AUTS2: variants seen among roughly 807,000 people sequenced by gnomAD.
AUTS2 encodes the protein activator of transcription and developmental regulator AUTS2.
A neutral mutation model predicts 112.4 loss-of-function variants in AUTS2; 17 were observed. The observed-to-expected ratio is 0.15, with a 90% CI of 0.10 to 0.23. The LOEUF (loss-of-function observed/expected upper bound fraction) is 0.23, where lower values mean the gene tolerates loss of function less well. Ranked by LOEUF, AUTS2 falls within the 10% of genes least tolerant of loss-of-function variation. AUTS2 has a pLI of 1.00. For missense variants in AUTS2, 1,510 were observed against 1,701.6 expected (o/e 0.89, Z 1.98); for synonymous variants, 751 against 702.7 (o/e 1.07, Z -1.09).
intron 4 of AUTS2, among the ~76,000 whole-genome samples, chr7:70,412,349 T>C (rs371644397): frequency 2.0e-5 from 3 of 152,238 alleles, no homozygotes; most frequent in Admixed American, 1.3e-4. Flanking sequence ...AAATTCAAGT[T>C]TGGGAAAGTA....
At chr7:69,982,707 G>A (rs773620374) in intron 2 of AUTS2, among the ~76,000 whole-genome samples, 2 of 152,206 alleles carry the variant, frequency 1.3e-5, no homozygotes, top group African/African-American at 4.8e-5. Flanking sequence ...ATAAAACAGC[G>A]GCCTGGCCAT....
chr7:70,278,228 G>T (rs1267216183), intron 4 of AUTS2, among the ~76,000 whole-genome samples: 1 of 152,098 alleles, frequency 6.6e-6, no homozygotes, highest in Non-Finnish European at 1.5e-5. Context: ...TAACCTTTCA[G>T]TGTGAATGTT....
At chr7:70,011,223 G>A (rs1584573552) in intron 2 of AUTS2, among the ~76,000 whole-genome samples, 2 of 152,180 alleles carry the variant, frequency 1.3e-5, no homozygotes, top group East Asian at 3.9e-4. Flanking sequence ...GAGTTGTCTA[G>A]CTCTGGATTG....
intron 5 of AUTS2, among the ~76,000 whole-genome samples, chr7:70,456,974 G>A (rs1239194844): frequency 1.3e-5 from 2 of 152,202 alleles, no homozygotes; most frequent in Non-Finnish European, 2.9e-5. Context: ...TTGAGCTCAG[G>A]AAGTCATCTT....
intron 1 of AUTS2, among the ~76,000 whole-genome samples, chr7:69,863,422 G>T (rs1003628184): frequency 6.6e-6 from 1 of 152,200 alleles, no homozygotes; most frequent in Admixed American, 6.5e-5. Context: ...CTTGGGGGAT[G>T]CTGGAACCAA....
At chr7:70,414,742 A>G (rs1175120816) in intron 4 of AUTS2, among the ~76,000 whole-genome samples, 1 of 152,196 alleles carries the variant, frequency 6.6e-6, no homozygotes, top group Non-Finnish European at 1.5e-5. Context: ...TCGCCGTCTC[A>G]GGCTTAGACT....
intron 4 of AUTS2, among the ~76,000 whole-genome samples, chr7:70,298,149 A>G (rs1412388540): frequency 6.6e-6 from 1 of 151,924 alleles, no homozygotes; most frequent in Non-Finnish European, 1.5e-5. Flanking sequence ...CTTCTGCCTC[A>G]GCCTCCCGAG....
chr7:69,685,186 G>C (rs1419297851), intron 1 of AUTS2, among the ~76,000 whole-genome samples: 2 of 152,180 alleles, frequency 1.3e-5, no homozygotes, highest in Admixed American at 1.3e-4. Flanking sequence ...AGCCACAGTG[G>C]TTGACTCCCT....
intron 6 of AUTS2, among the ~76,000 whole-genome samples, chr7:70,759,710 C>T (rs1037215652): frequency 4.6e-5 from 7 of 152,142 alleles, no homozygotes; most frequent in African/African-American, 4.8e-5. Flanking sequence ...CCTTGGGAAG[C>T]GAGCCCACGC....
At chr7:69,739,462 G>A (rs1787171828) in intron 1 of AUTS2, among the ~76,000 whole-genome samples, 1 of 152,126 alleles carries the variant, frequency 6.6e-6, no homozygotes, top group Non-Finnish European at 1.5e-5. Flanking sequence ...GGCATGACTG[G>A]CATGTTGAAT....
chr7:70,484,924 A>G (rs1797926456), intron 5 of AUTS2, among the ~76,000 whole-genome samples: 1 of 152,256 alleles, frequency 6.6e-6, no homozygotes, highest in Non-Finnish European at 1.5e-5. Context: ...AAGTAAAACC[A>G]CAATAAAATA....
intron 6 of AUTS2, among the ~76,000 whole-genome samples, chr7:70,725,218 C>G (rs1269361612): frequency 1.3e-5 from 2 of 152,148 alleles, no homozygotes; most frequent in Non-Finnish European, 2.9e-5. Flanking sequence ...GTGGTTTACC[C>G]TTTTCCTCTC....
intron 1 of AUTS2, among the ~76,000 whole-genome samples, chr7:69,613,870 C>A (rs1174474107): frequency 1.3e-5 from 2 of 152,160 alleles, no homozygotes; most frequent in African/African-American, 4.8e-5. Flanking sequence ...TTCTTGATAT[C>A]TGTATCTTGA....
At chr7:69,741,011 A>G (rs547424927) in intron 1 of AUTS2, among the ~76,000 whole-genome samples, 4 of 152,078 alleles carry the variant, frequency 2.6e-5, no homozygotes, top group Non-Finnish European at 5.9e-5. Flanking sequence ...TGACTTTCCA[A>G]CCTACTTGGA....
intron 5 of AUTS2, among the ~76,000 whole-genome samples, chr7:70,664,320 G>T (rs2129543210): frequency 6.6e-6 from 1 of 152,238 alleles, no homozygotes; most frequent in South Asian, 2.1e-4. Context: ...TATTTAAGGT[G>T]GCCACTTGCC....
intron 5 of AUTS2, among the ~76,000 whole-genome samples, chr7:70,628,962 G>T (rs1805111318): frequency 6.6e-6 from 1 of 152,134 alleles, no homozygotes; most frequent in South Asian, 2.1e-4. Flanking sequence ...ATGTAAGGAT[G>T]TCGGGAAGTG....
At chr7:70,139,832 C>G (rs1417423696) in intron 4 of AUTS2, among the ~76,000 whole-genome samples, 1 of 152,070 alleles carries the variant, frequency 6.6e-6, no homozygotes, top group Admixed American at 6.5e-5. Context: ...AACCCCGTCT[C>G]TCTACCAAAA....
At chr7:70,770,003 G>A (rs894743472) in intron 10 of AUTS2, among the ~76,000 whole-genome samples, 1 of 152,214 alleles carries the variant, frequency 6.6e-6, no homozygotes, top group Non-Finnish European at 1.5e-5. Context: ...CCTGGAGGCA[G>A]AATACTAGAA....
intron 1 of AUTS2, among the ~76,000 whole-genome samples, chr7:69,657,695 A>T (rs775945796): frequency 9.9e-5 from 15 of 152,204 alleles, no homozygotes; most frequent in Non-Finnish European, 4.4e-5. Flanking sequence ...ACAATTTATT[A>T]TAGAAAAGTC....
Sources: gnomAD v4.1 joint callset for allele counts (sites outside exome capture counted in the v4.1 genomes callset) on GRCh38, gnomAD v4.1.1 for gene constraint, MANE v1.5 for transcripts, NCBI Gene and HGNC (gene_info 2026-07-23, HGNC 2026-07-21) for gene names.